Variants in SRCAP observed in about 807,000 individuals in gnomAD.
SRCAP encodes the protein chromatin remodeling protein SRCAP.
In SRCAP, 46 loss-of-function variants were observed where a neutral mutation model predicts 263.1. The ratio of observed to expected loss-of-function variants is 0.17; its 90% CI spans 0.14 to 0.22. The LOEUF is 0.22. Ranked by LOEUF, SRCAP falls within the 10% of genes least tolerant of loss-of-function variation. The pLI is 1.00. For missense variants in SRCAP, 3,695 were observed against 4,181.9 expected (o/e 0.88, Z 3.21); for synonymous variants, 1,813 against 1,662.1 (o/e 1.09, Z -2.21).
chr16:30,716,531 AC>A (rs2052952528), intron 18 of SRCAP, 52 bp downstream of exon 18: 1 of 1,513,428 alleles, frequency 6.6e-7, no homozygotes, highest in South Asian at 1.2e-5. Context: ...CATTACTCCA[AC>A]CATGTACCTC....
In SRCAP at chr16:30,712,297, G is replaced by C; in HGVS notation, c.1851G>C (p.Gln617His). The change falls in exon 13 of 34, where the codon CAG becomes CAC. Residue 617 changes from glutamine (Q) to histidine (H), a missense_variant. Physicochemically the swap from Gln to His is conservative, Grantham distance 24 (BLOSUM62 0). Around this residue, in one of 12 missense-constraint regions of SRCAP, gnomAD observed 121 missense variants for 330.7 expected, o/e 0.37. Coordinates refer to ENST00000262518, the MANE Select transcript of SRCAP (RefSeq NM_006662.3). The part of the protein sequence containing the change: ...KTPIPLLLRG[Q>H]LREYQHIGLD... Reference sequence around the variant, plus strand: ...CCATTCCCCTGCTTCTGCGGGGCCAGCTCCGGGAGTACCAGCACATTGGGC... The same window carrying C: ...CCATTCCCCTGCTTCTGCGGGGCCACCTCCGGGAGTACCAGCACATTGGGC... 1 of 1,605,076 alleles carries C rather than the reference G, an allele frequency of 6.2e-7. No individual in the cohort carries two copies. The highest frequency in any genetic ancestry group is 1.1e-5 in the South Asian group (1 of 90,202).
At chr16:30,735,567 C>CTTTTTTTTTTTTTTTT in intron 31 of SRCAP, among the ~76,000 whole-genome samples, 1 of 69,588 alleles carries the variant, frequency 1.4e-5, no homozygotes, top group African/African-American at 5.9e-5. Context: ...TTTGACATTA[C>CTTTTTTTTTTTTTTTT]TTTTTTTTTT....
chr16:30,708,073 C>T (rs1203385025), intron 6 of SRCAP, among the ~76,000 whole-genome samples: 1 of 152,234 alleles, frequency 6.6e-6, no homozygotes, highest in Non-Finnish European at 1.5e-5. Flanking sequence ...TATTTTCGGT[C>T]TTGCCTCCTG....
At position 30,722,624 on chromosome 16, in the gene SRCAP, T is replaced by C. The variant is rs946546569; in HGVS notation, c.3768T>C (p.His1256=). The change falls in exon 23 of 34, where the codon CAT becomes CAC. Residue 1256 remains histidine (H), a synonymous_variant. Coordinates refer to ENST00000262518, the MANE Select transcript of SRCAP (RefSeq NM_006662.3). ...GQHHLISQPA[H]VALIQAVAPT... ...ACCATCTCATCAGCCAGCCTGCCCA[T>C]GTGGCCCTCATCCAGGCCGTGGCCC... 1.2e-6 allele frequency: 2 copies of C among 1,613,996 alleles called. No individual in the cohort carries two copies. The highest frequency in any genetic ancestry group is 1.7e-5 in the Admixed American group (1 of 59,984).
chr16:30,718,888 T>G (rs545138359), intron 18 of SRCAP, among the ~76,000 whole-genome samples: 5 of 152,220 alleles, frequency 3.3e-5, no homozygotes, highest in Admixed American at 6.5e-5. Flanking sequence ...CTGCATTGTG[T>G]TGTTATTACT....
At chr16:30,703,338 C>T (rs1444137523) in intron 3 of SRCAP, among the ~76,000 whole-genome samples, 1 of 151,046 alleles carries the variant, frequency 6.6e-6, no homozygotes, top group Non-Finnish European at 1.5e-5. Context: ...GGATTACAGG[C>T]TCCCGCCACC....
At chr16:30,727,899 C>T (rs2053078209) in intron 25 of SRCAP, among the ~76,000 whole-genome samples, 1 of 151,988 alleles carries the variant, frequency 6.6e-6, no homozygotes, top group Admixed American at 6.6e-5. Flanking sequence ...GTTGCCCAAA[C>T]TGGTCTTGAA....
rs751722230 is a variant in SRCAP at position 30,724,322 on chromosome 16, C to T, written c.4898C>T (p.Ala1633Val). ...ASSQTPVPVMAPSSTPGTSLA... is the reference protein window; with the variant it reads ...ASSQTPVPVMVPSSTPGTSLA... ...TCACAGACTCCGGTTCCAGTTATGG[C>T]TCCATCGTCTACTCCAGGAACCTCT... The change falls in exon 25 of 34, where the codon GCT (alanine) becomes GTT (valine). Residue 1633 changes from alanine (A) to valine (V), a missense_variant. Physicochemically the swap from Ala to Val is moderately conservative, Grantham distance 64. Coordinates refer to ENST00000262518, the MANE Select transcript of SRCAP (RefSeq NM_006662.3). The T allele has an allele frequency of 6.2e-7, 1 of 1,614,142 alleles. No homozygotes were observed. Among genetic ancestry groups the T allele is most frequent in the Non-Finnish European group, 8.5e-7 (1 of 1,180,014 alleles).
Position 30,733,323 on chromosome 16 carries a change from A to G in SRCAP, c.6171A>G (p.Ala2057=), listed in dbSNP as rs774718026. The stretch of plus-strand genomic sequence containing the variant: ...CAGTGCTGTTGCGGCAGCTCAAGGC[A>G]GAGGGCCACCGAGTGCTCATCTTCA... ...TLAVLLRQLK[A]EGHRVLIFTQ... The change falls in exon 28 of 34, where the codon GCA becomes GCG. Residue 2057 remains alanine, a synonymous_variant. Transcript: ENST00000262518. This position sits in a 1 kb window ranked among gnomAD's most constrained non-coding sequence, Gnocchi z 5.3. The G allele has an allele frequency of 6.2e-7, 1 of 1,614,174 alleles. No homozygotes were observed. Among genetic ancestry groups the G allele is most frequent in the Non-Finnish European group, 8.5e-7 (1 of 1,180,020 alleles).
chr16:30,732,018 G>A (rs1347792004), intron 27 of SRCAP, among the ~76,000 whole-genome samples: 5 of 151,750 alleles, frequency 3.3e-5, no homozygotes, highest in African/African-American at 1.2e-4. Flanking sequence ...GGTGACATAC[G>A]CCTGTAGTCC....
At chr16:30,701,555 A>G (rs2052766562) in intron 3 of SRCAP, 1 of 152,040 alleles carries the variant, frequency 6.6e-6, no homozygotes, top group Non-Finnish European at 1.5e-5. Context: ...GCGCAGTGTA[A>G]GGCTTATGTC....
intron 6 of SRCAP, among the ~76,000 whole-genome samples, 189 bp downstream of exon 6, chr16:30,707,901 TCTC>T (rs1306210945): frequency 6.6e-6 from 1 of 152,202 alleles, no homozygotes; most frequent in Admixed American, 6.5e-5. Flanking sequence ...TGTTAATAGT[TCTC>T]CTTGACACCT....
chr16:30,737,269 A>C lies in SRCAP; in HGVS notation c.7229A>C (p.Asn2410Thr), dbSNP rs758781745. The stretch of plus-strand genomic sequence containing the variant: ...GCCCGGGCTGAGACTCAAGGGGCAA[A>C]CCACACTCCTGTCATATCCGCCCAT... ...RGARAETQGA[N>T]HTPVISAHQT... The change falls in exon 34 of 34, where the codon AAC (asparagine) becomes ACC (threonine). Residue 2410 changes from asparagine (N) to threonine (T), a missense_variant. By Grantham distance (65) the Asn-to-Thr change is moderately conservative (BLOSUM62 0). Coordinates refer to ENST00000262518, the MANE Select transcript of SRCAP (RefSeq NM_006662.3). 10 of 1,613,824 alleles carry C rather than the reference A, an allele frequency of 6.2e-6. 1 individual carries two copies. In the South Asian group the frequency reaches 1.1e-4, roughly 18 times the overall value.
chr16:30,717,578 C>A (rs1448688296), intron 18 of SRCAP, among the ~76,000 whole-genome samples: 1 of 143,728 alleles, frequency 7.0e-6, no homozygotes, highest in Non-Finnish European at 1.5e-5. Flanking sequence ...TTCCAACTAG[C>A]TGGGACCACG....
chr16:30,711,529 C>A, intron 10 of SRCAP, 42 bp from the exon 11 acceptor site: 1 of 1,539,706 alleles, frequency 6.5e-7, no homozygotes, highest in Non-Finnish European at 8.7e-7. Flanking sequence ...TCCCCTTCTC[C>A]CTCCCCTCAG....
intron 3 of SRCAP, 111 bp from the exon 4 acceptor site, chr16:30,703,953 A>T: frequency 7.6e-7 from 1 of 1,313,576 alleles, no homozygotes; most frequent in Non-Finnish European, 1.0e-6. Flanking sequence ...AATAAGGTTT[A>T]TACCTTACTC....
In SRCAP at chr16:30,711,198, T is replaced by C; in HGVS notation, c.1318+110T>C. 26 of 802,428 alleles carry C rather than the reference T, an allele frequency of 3.2e-5. 1 individual carries two copies. The South Asian group carries it at 3.7e-4, about 11-fold the overall frequency. 49.7% of individuals were successfully genotyped at this position (802,428 alleles called of 1,614,324 possible). On this transcript the variant is annotated intron_variant, in intron 10 of 33. Transcript: ENST00000262518. The stretch of plus-strand genomic sequence containing the variant: ...TTGTATCCACCCTGGAGGAATTCCA[T>C]GTCTAATGACTAAGACAGACTTGTA...
chr16:30,711,184 C>G (rs1226052541), intron 10 of SRCAP, 96 bp downstream of exon 10: 2 of 903,110 alleles, frequency 2.2e-6, no homozygotes, highest in African/African-American at 1.6e-5. Context: ...TGTATCCACC[C>G]TGGAGGAATT....
intron 16 of SRCAP, among the ~76,000 whole-genome samples, chr16:30,714,819 G>GT (rs964330807): frequency 9.9e-5 from 15 of 151,224 alleles, no homozygotes; most frequent in African/African-American, 2.4e-4. Flanking sequence ...TTTGTTTTTT[G>GT]TTTTTTTTTA....
Sources: allele counts gnomAD v4.1 joint callset (sites outside exome capture counted in the v4.1 genomes callset), GRCh38; gene constraint gnomAD v4.1.1; regional missense constraint gnomAD v4.1.1; non-coding constraint Gnocchi (gnomAD v3.1); transcripts MANE v1.5; gene names NCBI Gene and HGNC (gene_info 2026-07-23, HGNC 2026-07-21).